The following HIVEP3 variants were observed in gnomAD, a reference collection of about 807,000 sequenced individuals.
HIVEP3 encodes transcription factor HIVEP3.
A neutral mutation model predicts 152.8 loss-of-function variants in HIVEP3; 49 were observed. The observed-to-expected ratio is 0.32, with a 90% CI of 0.26 to 0.41. The LOEUF is 0.41. Ranked by LOEUF, HIVEP3 falls within the 10% of genes least tolerant of loss-of-function variation. HIVEP3 has a pLI of 1.00. For missense variants in HIVEP3, 2,790 were observed against 3,103.3 expected (o/e 0.90, Z 2.40); for synonymous variants, 1,269 against 1,289.0 (o/e 0.98, Z 0.33).
chr1:41,870,328 G>A (rs1236361242), intron 1 of HIVEP3, among the ~76,000 whole-genome samples: 1 of 152,134 alleles, frequency 6.6e-6, no homozygotes, highest in African/African-American at 2.4e-5. Context: ...TGACCCCCTA[G>A]TATGAGTCAC....
intron 1 of HIVEP3, among the ~76,000 whole-genome samples, chr1:41,834,151 T>G (rs1643050824): frequency 6.6e-6 from 1 of 152,196 alleles, no homozygotes; most frequent in African/African-American, 2.4e-5. Context: ...CACCCTCATT[T>G]AATCCTCCTC....
intron 1 of HIVEP3, among the ~76,000 whole-genome samples, chr1:41,857,807 C>G (rs1190384925): frequency 6.6e-6 from 1 of 152,176 alleles, no homozygotes; most frequent in African/African-American, 2.4e-5. Context: ...TATTACCTCT[C>G]TAAGCTAGAA....
intron 1 of HIVEP3, among the ~76,000 whole-genome samples, chr1:41,955,508 C>G (rs564669156): frequency 6.6e-6 from 1 of 152,166 alleles, no homozygotes; most frequent in Non-Finnish European, 1.5e-5. Flanking sequence ...AAAAAAACCC[C>G]TCATATTAAA....
chr1:41,935,463 T>A (rs72949467), intron 1 of HIVEP3, among the ~76,000 whole-genome samples: 5,864 of 152,098 alleles, frequency 0.039, 362 homozygotes, highest in African/African-American at 0.13. Flanking sequence ...AATGCCTTAT[T>A]AGCTGAGTCC....
At position 41,812,686 on chromosome 1, in the gene HIVEP3, G is replaced by C. The variant is rs976069140; in HGVS notation, c.-801+105727C>G. Among the ~76,000 whole-genome samples, 4 of 152,166 alleles carry C rather than the reference G, an allele frequency of 2.6e-5. No individual in the cohort carries two copies. In the South Asian group the frequency reaches 8.3e-4, roughly 32 times the overall value. On this transcript the variant is annotated intron_variant, in intron 1 of 8. Coordinates refer to ENST00000372583, the MANE Select transcript of HIVEP3 (RefSeq NM_024503.5). ...AAATACCAAGGCTGGTAGGGGGTGG[G>C]GGGGGACCTGGGCTGCTCACCCCAG...
intron 5 of HIVEP3, among the ~76,000 whole-genome samples, chr1:41,573,605 C>A (rs1159619772): frequency 6.6e-6 from 1 of 152,150 alleles, no homozygotes; most frequent in Admixed American, 6.5e-5. Flanking sequence ...AATGGATATA[C>A]TAGTAGTAAA....
At chr1:41,551,220 T>G (rs1643890200) in intron 5 of HIVEP3, among the ~76,000 whole-genome samples, 1 of 152,242 alleles carries the variant, frequency 6.6e-6, no homozygotes, top group Non-Finnish European at 1.5e-5. Context: ...GTCCCAGGGA[T>G]GAAGCCACGT....
intron 7 of HIVEP3, among the ~76,000 whole-genome samples, chr1:41,516,518 C>G (rs939045784): frequency 6.6e-6 from 1 of 152,324 alleles, no homozygotes; most frequent in South Asian, 2.1e-4. Context: ...GTCATCTGAG[C>G]CTGTGGGCTC....
At chr1:41,647,494 G>A (rs1270203205) in intron 2 of HIVEP3, among the ~76,000 whole-genome samples, 1 of 152,210 alleles carries the variant, frequency 6.6e-6, no homozygotes, top group Non-Finnish European at 1.5e-5. Context: ...TAACCCCACT[G>A]ACATGGAAAG....
chr1:41,947,829 G>A (rs1645083602), intron 1 of HIVEP3, among the ~76,000 whole-genome samples: 1 of 152,236 alleles, frequency 6.6e-6, no homozygotes, highest in Admixed American at 6.5e-5. Context: ...AGCAGTCTTA[G>A]TATCTGAAGC....
At chr1:41,528,267 CA>C (rs1050756081) in intron 5 of HIVEP3, among the ~76,000 whole-genome samples, 29 of 128,264 alleles carry the variant, frequency 2.3e-4, no homozygotes, top group African/African-American at 8.4e-4. Context: ...CCTCCACCCT[CA>C]CACACCCTCA....
intron 1 of HIVEP3, among the ~76,000 whole-genome samples, chr1:42,001,293 C>T (rs530133447): frequency 1.3e-5 from 2 of 152,276 alleles, no homozygotes; most frequent in Non-Finnish European, 1.5e-5. Flanking sequence ...TAAGTCTGTC[C>T]GCGTAGCCCC....
At chr1:41,526,579 AC>A (rs1553220210) in intron 5 of HIVEP3, among the ~76,000 whole-genome samples, 6 of 44,850 alleles carry the variant, frequency 1.3e-4, no homozygotes, top group Admixed American at 5.3e-4. Context: ...TCACACATAC[AC>A]CCCCACACTC....
At chr1:41,717,764 G>A (rs1208463452) in intron 1 of HIVEP3, among the ~76,000 whole-genome samples, 3 of 152,178 alleles carry the variant, frequency 2.0e-5, no homozygotes, top group Non-Finnish European at 2.9e-5. Context: ...GTTTATCCAG[G>A]GGTCGCCCAC....
chr1:41,672,298 TCTC>T (rs1485604013), intron 2 of HIVEP3, among the ~76,000 whole-genome samples: 1 of 152,102 alleles, frequency 6.6e-6, no homozygotes, highest in Non-Finnish European at 1.5e-5. Context: ...TGCCCACACA[TCTC>T]CTGGCATCAG....
intron 3 of HIVEP3, among the ~76,000 whole-genome samples, chr1:41,592,289 C>G (rs1644599343): frequency 6.6e-6 from 1 of 152,200 alleles, no homozygotes; most frequent in Non-Finnish European, 1.5e-5. Flanking sequence ...CTAGGTAAGG[C>G]ACTTTCCTCT....
chr1:41,726,194 C>T (rs1318171328), intron 1 of HIVEP3, among the ~76,000 whole-genome samples: 2 of 152,160 alleles, frequency 1.3e-5, no homozygotes, highest in Non-Finnish European at 2.9e-5. Flanking sequence ...CATGAGCCCT[C>T]GAGAAGCCAC....
intron 1 of HIVEP3, among the ~76,000 whole-genome samples, chr1:41,763,246 C>T (rs774885706): frequency 1.3e-5 from 2 of 152,194 alleles, no homozygotes; most frequent in East Asian, 1.9e-4. Context: ...CCCTCTCTCC[C>T]GAGGCTCTGT....
At chr1:41,670,778 T>C (rs1446319126) in intron 2 of HIVEP3, among the ~76,000 whole-genome samples, 1 of 152,134 alleles carries the variant, frequency 6.6e-6, no homozygotes, top group Non-Finnish European at 1.5e-5. Flanking sequence ...ACGCAGTTAC[T>C]AGGAAAGGCC....
Sources: allele counts gnomAD v4.1 joint callset (sites outside exome capture counted in the v4.1 genomes callset), GRCh38; gene constraint gnomAD v4.1.1; transcripts MANE v1.5; gene names NCBI Gene and HGNC (gene_info 2026-07-23, HGNC 2026-07-21).